The following STOX2 variants were observed in gnomAD, a reference collection of about 807,000 sequenced individuals.
STOX2 encodes storkhead-box protein 2.
STOX2 carries 28 observed loss-of-function variants against 60.9 expected under a neutral mutation model. The observed-to-expected ratio is 0.46, with a 90% CI of 0.34 to 0.63. The LOEUF (loss-of-function observed/expected upper bound fraction) is 0.63, where lower values mean the gene tolerates loss of function less well. Among genes scored for constraint, STOX2 ranks in the 30% least tolerant of loss-of-function variants. STOX2 has a pLI of 0.01. For synonymous variants in STOX2, 472 were observed against 463.9 expected (o/e 1.02, Z -0.22); for missense variants, 1,024 against 1,187.7 (o/e 0.86, Z 2.03).
chr4:183,876,436 G>A (rs1041971714), intron 1 of STOX2, among the ~76,000 whole-genome samples: 1 of 152,236 alleles, frequency 6.6e-6, no homozygotes, highest in Admixed American at 6.5e-5. Context: ...AGTGGATGAC[G>A]TAAGTGGATG....
intron 1 of STOX2, among the ~76,000 whole-genome samples, chr4:183,823,539 A>G (rs1488309625): frequency 1.3e-5 from 2 of 152,234 alleles, no homozygotes; most frequent in African/African-American, 4.8e-5. Context: ...CACATTCCTT[A>G]GGCTCATAGA....
intron 1 of STOX2, among the ~76,000 whole-genome samples, chr4:183,933,955 A>G (rs1322469609): frequency 6.6e-6 from 1 of 152,210 alleles, no homozygotes; most frequent in Non-Finnish European, 1.5e-5. Context: ...GTGTTTTAAG[A>G]ATTAAGATGT....
At chr4:183,918,261 A>T (rs768020716) in intron 1 of STOX2, among the ~76,000 whole-genome samples, 1 of 152,252 alleles carries the variant, frequency 6.6e-6, no homozygotes, top group Non-Finnish European at 1.5e-5. Flanking sequence ...TCACAGAATT[A>T]TTCATTTATC....
chr4:183,811,987 A>G (rs1739045902), intron 1 of STOX2, among the ~76,000 whole-genome samples: 1 of 141,544 alleles, frequency 7.1e-6, no homozygotes, highest in African/African-American at 2.7e-5. Context: ...GCTAGGGTGC[A>G]GTGGTGTGAT....
chr4:183,950,809 C>G (rs903555876), intron 1 of STOX2, among the ~76,000 whole-genome samples: 2 of 152,092 alleles, frequency 1.3e-5, no homozygotes, highest in Admixed American at 6.5e-5. Context: ...TTTGTGGGAA[C>G]GCAGGCTGGT....
intron 1 of STOX2, among the ~76,000 whole-genome samples, chr4:183,933,993 G>C (rs577748020): frequency 1.3e-5 from 2 of 152,274 alleles, no homozygotes; most frequent in East Asian, 3.9e-4. Flanking sequence ...ATTCAGACTT[G>C]ATTCTATCTA....
At chr4:183,853,358 G>T (rs1335060652) in intron 1 of STOX2, 5 of 152,178 alleles carry the variant, frequency 3.3e-5, no homozygotes, top group Admixed American at 3.3e-4. Context: ...TTAATCTTCT[G>T]CCCAAGTGTT....
Position 183,906,545 on chromosome 4 carries a change from G to A in STOX2, c.-246G>A. On this transcript the variant is annotated 5_prime_UTR_variant, in exon 1 of 4. Coordinates refer to ENST00000308497, the MANE Select transcript of STOX2 (RefSeq NM_020225.3). ...CCAGGAATCTGGAAGCTATAAGCCG[G>A]GCGGATTGCAAATGAAGTGTAATGC... 1 of 310,424 alleles carries A rather than the reference G, an allele frequency of 3.2e-6. No individual in the cohort carries two copies. 19.2% of individuals were successfully genotyped at this position (310,424 alleles called of 1,614,324 possible). A position where few individuals can be genotyped will look rare whatever the true frequency, so the allele number is the denominator to read the frequency against.
intron 1 of STOX2, among the ~76,000 whole-genome samples, chr4:183,897,732 T>C (rs999368569): frequency 1.3e-5 from 2 of 152,152 alleles, no homozygotes; most frequent in African/African-American, 4.8e-5. Context: ...TAAAAACAGA[T>C]CCTGAGGTTC....
At chr4:183,998,352 G>T (rs557013114) in intron 1 of STOX2, among the ~76,000 whole-genome samples, 1 of 152,022 alleles carries the variant, frequency 6.6e-6, no homozygotes, top group African/African-American at 2.4e-5. Context: ...TAAGAAAGCC[G>T]GCCTCAGTGC....
intron 1 of STOX2, among the ~76,000 whole-genome samples, chr4:183,844,050 T>C (rs988536692): frequency 6.6e-6 from 1 of 152,232 alleles, no homozygotes; most frequent in Admixed American, 6.5e-5. Context: ...ATTTCTAATC[T>C]TTTTAAAAGC....
rs1739143846 is a variant in STOX2 at position 183,815,927 on chromosome 4, A to G, written c.364+17872A>G. Among the ~76,000 whole-genome samples, 4 of 152,360 alleles carry G rather than the reference A, an allele frequency of 2.6e-5. No individual in the cohort carries two copies. In the South Asian group the frequency reaches 8.3e-4, roughly 32 times the overall value. The stretch of plus-strand genomic sequence containing the variant: ...AACCACTTATTTTTATATTATTGAT[A>G]CTATTGACATGAAATGATAAAAAAT... On this transcript the variant is annotated intron_variant, in intron 1 of 2. Coordinates refer to the STOX2 transcript ENST00000513034.
At chr4:183,897,056 C>T (rs1050848980) in intron 1 of STOX2, among the ~76,000 whole-genome samples, 1 of 152,286 alleles carries the variant, frequency 6.6e-6, no homozygotes, top group African/African-American at 2.4e-5. Context: ...GCAGTGGAAG[C>T]AAGCGTTACC....
At chr4:183,923,541 C>T (rs1014559205) in intron 1 of STOX2, among the ~76,000 whole-genome samples, 2 of 152,200 alleles carry the variant, frequency 1.3e-5, no homozygotes, top group Non-Finnish European at 1.5e-5. Context: ...GACCAACAAA[C>T]GTGCTCCTGG....
chr4:183,835,650 C>T (rs1420213994), intron 1 of STOX2, among the ~76,000 whole-genome samples: 1 of 152,078 alleles, frequency 6.6e-6, no homozygotes, highest in East Asian at 1.9e-4. Context: ...TTACTGGAGG[C>T]AAATTATTAC....
chr4:183,923,701 T>TG (rs1291617212), intron 1 of STOX2, among the ~76,000 whole-genome samples: 22 of 152,362 alleles, frequency 1.4e-4, no homozygotes, highest in Non-Finnish European at 1.5e-5. Context: ...TGTAACCATA[T>TG]GGGCCCTTCC....
chr4:184,002,298 G>C (rs919305404), intron 2 of STOX2, among the ~76,000 whole-genome samples: 1 of 152,240 alleles, frequency 6.6e-6, no homozygotes, highest in Non-Finnish European at 1.5e-5. Context: ...CCAACTTGGT[G>C]TGGACTCAGC....
chr4:183,844,724 C>T (rs570055771), intron 1 of STOX2, among the ~76,000 whole-genome samples: 4 of 152,150 alleles, frequency 2.6e-5, no homozygotes, highest in Admixed American at 6.5e-5. Flanking sequence ...AATGAAAATG[C>T]GTGTAGATTG....
intron 1 of STOX2, among the ~76,000 whole-genome samples, chr4:183,999,674 C>A (rs1579527734): frequency 6.6e-6 from 1 of 152,184 alleles, no homozygotes; most frequent in East Asian, 1.9e-4. Flanking sequence ...CTGTTGGACT[C>A]TCCCCGTACG....
Sources: gnomAD v4.1 joint callset for allele counts (sites outside exome capture counted in the v4.1 genomes callset) on GRCh38, gnomAD v4.1.1 for gene constraint, MANE v1.5 for transcripts, NCBI Gene and HGNC (gene_info 2026-07-23, HGNC 2026-07-21) for gene names.